TSHZ2: variants seen among roughly 807,000 people sequenced by gnomAD.
TSHZ2 encodes teashirt homolog 2.
A neutral mutation model predicts 74.4 loss-of-function variants in TSHZ2; 21 were observed. The ratio of observed to expected loss-of-function variants is 0.28; its 90% CI spans 0.20 to 0.41. The LOEUF (loss-of-function observed/expected upper bound fraction) is 0.41, where lower values mean the gene tolerates loss of function less well. Ranked by LOEUF, TSHZ2 falls within the 10% of genes least tolerant of loss-of-function variation. The probability of loss-of-function intolerance (pLI) is 1.00; values close to 1 mark genes in which losing one functional copy is unlikely to be tolerated. For synonymous variants in TSHZ2, 540 were observed against 515.3 expected, an observed-to-expected ratio of 1.05 and a Z score of -0.65; for missense variants, 1,244 against 1,293.5, an observed-to-expected ratio of 0.96 and a Z score of 0.59.
rs189873760 is a variant in TSHZ2 at position 53,392,096 on chromosome 20, A to G, written c.*9-95048A>G. ...GACATGGAGGTAATTTTATTGGTCA[A>G]TGATAGGGCATCAGAGAAATCTTGC... On this transcript the variant is annotated intron_variant, in intron 2 of 2. Coordinates refer to ENST00000371497, the MANE Select transcript of TSHZ2 (RefSeq NM_173485.6). 4.0e-3 allele frequency among the ~76,000 whole-genome samples: 602 copies of G among 152,340 alleles called. 2 individuals are homozygous for G. Among genetic ancestry groups the G allele is most frequent in the Admixed American group, 6.4e-3 (98 of 15,302 alleles).
chr20:53,454,874 C>G (rs888927124), intron 2 of TSHZ2, among the ~76,000 whole-genome samples: 2 of 152,156 alleles, frequency 1.3e-5, no homozygotes, highest in Admixed American at 6.5e-5. Flanking sequence ...CTGAAACTTA[C>G]CAGATCACCA....
At chr20:53,054,100 G>A (rs902339318) in intron 1 of TSHZ2, among the ~76,000 whole-genome samples, 1 of 152,160 alleles carries the variant, frequency 6.6e-6, no homozygotes, top group African/African-American at 2.4e-5. Flanking sequence ...ATCGAGGAAC[G>A]ATGTACCACA....
intron 2 of TSHZ2, among the ~76,000 whole-genome samples, chr20:53,437,808 G>A (rs1347415518): frequency 3.9e-5 from 6 of 152,126 alleles, no homozygotes; most frequent in East Asian, 1.9e-4. Context: ...TTCACACCAC[G>A]GCTGACTGTA....
At chr20:53,331,442 G>A (rs559219452) in intron 2 of TSHZ2, among the ~76,000 whole-genome samples, 9 of 152,236 alleles carry the variant, frequency 5.9e-5, no homozygotes, top group Admixed American at 3.3e-4. Context: ...GAGCACAGCC[G>A]GGCCAGGGGG....
intron 2 of TSHZ2, among the ~76,000 whole-genome samples, chr20:53,329,136 C>T (rs1164904978): frequency 6.6e-6 from 1 of 152,148 alleles, no homozygotes; most frequent in South Asian, 2.1e-4. Flanking sequence ...TCTCATCACT[C>T]GAATGCATTT....
chr20:53,081,911 T>TTC (rs1985548820), intron 1 of TSHZ2, among the ~76,000 whole-genome samples: 1 of 151,462 alleles, frequency 6.6e-6, no homozygotes, highest in African/African-American at 2.4e-5. Context: ...TTTTTTTTTT[T>TTC]CTGAGACAGA....
intron 1 of TSHZ2, among the ~76,000 whole-genome samples, chr20:53,109,652 A>G (rs572942881): frequency 6.6e-6 from 1 of 152,294 alleles, no homozygotes; most frequent in East Asian, 1.9e-4. Flanking sequence ...ATGGAGTTTC[A>G]TCGATATTTC....
intron 1 of TSHZ2, among the ~76,000 whole-genome samples, chr20:53,013,942 T>A (rs142124716): frequency 6.6e-6 from 1 of 152,342 alleles, no homozygotes; most frequent in African/African-American, 2.4e-5. Flanking sequence ...CAATACTTCC[T>A]GCAGCCATGG....
chr20:53,205,134 G>C (rs1227924070), intron 1 of TSHZ2, among the ~76,000 whole-genome samples: 1 of 151,418 alleles, frequency 6.6e-6, no homozygotes, highest in Non-Finnish European at 1.5e-5. Flanking sequence ...GAGTCACACA[G>C]TTATCACGTG....
chr20:53,036,926 GA>G lies in TSHZ2; in HGVS notation c.40+63595del, dbSNP rs561014051. The stretch of plus-strand genomic sequence containing the variant: ...ATTTTGCTTTTTTACTTAGTTTCAT[GA>G]ATATCAGTTTAGTCATTAAATATTC... On this transcript the variant is annotated intron_variant, in intron 1 of 2. Transcript: ENST00000371497. Among the ~76,000 whole-genome samples the G allele has an allele frequency of 1.7e-3, 264 of 151,708 alleles. 3 individuals carry two copies. Among genetic ancestry groups the G allele is most frequent in the Non-Finnish European group, 1.6e-3 (107 of 67,906 alleles).
rs373712084 is a variant in TSHZ2, at chr20:53,253,634, A to G, written c.176A>G (p.Glu59Gly). 1.4e-5 allele frequency: 23 copies of G among 1,614,052 alleles called. No individual in the cohort carries two copies. The highest frequency in any genetic ancestry group is 6.7e-5 in the Admixed American group (4 of 60,002). ...GTDEELETGP[E>G]QKGCFSYQNS... The stretch of plus-strand genomic sequence containing the variant: ...GACGAGGAGCTAGAAACGGGCCCAG[A>G]GCAAAAAGGCTGCTTCAGCTACCAG... The change falls in exon 2 of 3, where the codon GAG (glutamate) becomes GGG (glycine). Residue 59 changes from glutamate (E) to glycine (G), a missense_variant. Coordinates refer to ENST00000371497, the MANE Select transcript of TSHZ2 (RefSeq NM_173485.6).
At chr20:53,461,689 T>C (rs969137828) in intron 2 of TSHZ2, 1 of 152,250 alleles carries the variant, frequency 6.6e-6, no homozygotes, top group Admixed American at 6.5e-5. Context: ...CACTCCTGCA[T>C]GCCCTTGTTG....
rs148324691 is a variant in TSHZ2, at chr20:52,979,708, C to T, written c.40+6375C>T. On this transcript the variant is annotated intron_variant, in intron 1 of 2. Coordinates refer to ENST00000371497, the MANE Select transcript of TSHZ2 (RefSeq NM_173485.6). The stretch of plus-strand genomic sequence containing the variant: ...TTTACGTTTCCCCTGTAGAAAAAGA[C>T]ATCCTCTGGGCACCCTCAAATATTC... Among the ~76,000 whole-genome samples the T allele has an allele frequency of 4.6e-5, 7 of 152,266 alleles. No individual in the cohort carries two copies. In the East Asian group the frequency reaches 1.2e-3, roughly 25 times the overall value.
intron 2 of TSHZ2, among the ~76,000 whole-genome samples, chr20:53,266,754 AG>A (rs1418682215): frequency 6.7e-6 from 1 of 149,698 alleles, no homozygotes; most frequent in Non-Finnish European, 1.5e-5. Context: ...CTAGTCTAGC[AG>A]GGGAGGCCGA....
intron 1 of TSHZ2, among the ~76,000 whole-genome samples, chr20:53,229,585 G>A (rs560698818): frequency 1.3e-4 from 20 of 152,204 alleles, no homozygotes; most frequent in South Asian, 4.2e-4. Context: ...CAGTACACAC[G>A]GTAGGGGCTC....
chr20:53,174,166 G>C (rs1387760438), intron 1 of TSHZ2, among the ~76,000 whole-genome samples: 2 of 152,170 alleles, frequency 1.3e-5, no homozygotes, highest in Non-Finnish European at 2.9e-5. Context: ...ATGTCAAATG[G>C]GCTAGAGTAA....
intron 1 of TSHZ2, among the ~76,000 whole-genome samples, chr20:52,983,354 G>C (rs940755601): frequency 6.6e-6 from 1 of 152,180 alleles, no homozygotes; most frequent in Non-Finnish European, 1.5e-5. Context: ...CCTCACAAAT[G>C]AATGTTTTTT....
intron 1 of TSHZ2, among the ~76,000 whole-genome samples, chr20:53,166,116 C>A (rs776947882): frequency 6.6e-6 from 1 of 152,166 alleles, no homozygotes; most frequent in Non-Finnish European, 1.5e-5. Context: ...GACATCTCCA[C>A]CCTTTGAGGA....
chr20:53,247,366 T>G (rs1295112533), intron 1 of TSHZ2, among the ~76,000 whole-genome samples: 3 of 152,064 alleles, frequency 2.0e-5, no homozygotes, highest in Admixed American at 6.5e-5. Context: ...ATCCCACAGC[T>G]CTCTAGACTT....
Sources: allele counts gnomAD v4.1 joint callset (sites outside exome capture counted in the v4.1 genomes callset), GRCh38; gene constraint gnomAD v4.1.1; transcripts MANE v1.5; gene names NCBI Gene and HGNC (gene_info 2026-07-23, HGNC 2026-07-21).